Variants in COL15A1 observed in about 807,000 individuals in gnomAD.
COL15A1 encodes the protein collagen alpha-1(XV) chain.
Under a neutral mutation model 165.9 loss-of-function variants are expected in COL15A1, and 111 were observed. The ratio of observed to expected loss-of-function variants is 0.67; its 90% CI spans 0.57 to 0.78. The LOEUF (loss-of-function observed/expected upper bound fraction) is 0.78, where lower values mean the gene tolerates loss of function less well. COL15A1 is among the 30% of genes least tolerant of loss of function. The pLI is 0.00. For missense variants in COL15A1, 1,745 were observed against 1,789.7 expected, an observed-to-expected ratio of 0.98 and a Z score of 0.45; for synonymous variants, 659 against 674.8, an observed-to-expected ratio of 0.98 and a Z score of 0.36.
At chr9:98,953,654 A>G (rs763733492) in intron 2 of COL15A1, among the ~76,000 whole-genome samples, 2 of 152,224 alleles carry the variant, frequency 1.3e-5, no homozygotes, top group African/African-American at 4.8e-5. Flanking sequence ...GGGCCCTGGT[A>G]TCTCTCCCAA....
chr9:98,991,650 G>T (rs1230459636), intron 5 of COL15A1, among the ~76,000 whole-genome samples: 1 of 152,076 alleles, frequency 6.6e-6, no homozygotes, highest in Non-Finnish European at 1.5e-5. Flanking sequence ...TAGATACAGA[G>T]TGCCGATTGA....
chr9:98,968,326 G>A (rs1330638322), intron 2 of COL15A1, among the ~76,000 whole-genome samples: 4 of 152,246 alleles, frequency 2.6e-5, no homozygotes, highest in African/African-American at 7.2e-5. Flanking sequence ...GCTTAAAACA[G>A]TAGTAACTTA....
chr9:99,051,262 C>T (rs532581700), intron 30 of COL15A1, among the ~76,000 whole-genome samples: 2 of 152,146 alleles, frequency 1.3e-5, no homozygotes, highest in Non-Finnish European at 2.9e-5. Flanking sequence ...AATGCTACTG[C>T]AATTATCATG....
In COL15A1 at chr9:99,052,500, G is replaced by T. The variant is rs1268603949; in HGVS notation, c.2950+67G>T. The T allele has an allele frequency of 8.4e-6, 11 of 1,317,034 alleles. 1 individual carries two copies. In the South Asian group the frequency reaches 1.2e-4, roughly 14 times the overall value. 81.6% of individuals were successfully genotyped at this position (1,317,034 alleles called of 1,614,324 possible). A position where few individuals can be genotyped will look rare whatever the true frequency, so the allele number is the denominator to read the frequency against. On this transcript the variant is annotated intron_variant, in intron 31 of 41. Transcript: ENST00000375001. ...TCCTTGAGGAAGATGGTTTTCCTTTGCCCAGTGCAGGGCGCAGACTAGGTG... is the reference window on the plus strand; with the variant it reads ...TCCTTGAGGAAGATGGTTTTCCTTTTCCCAGTGCAGGGCGCAGACTAGGTG...
chr9:99,037,721 TTA>T lies in COL15A1; in HGVS notation c.2410-945_2410-944del, dbSNP rs143990496. On this transcript the variant is annotated intron_variant, in intron 21 of 41. Coordinates refer to ENST00000375001, the MANE Select transcript of COL15A1 (RefSeq NM_001855.5). ...AACAAGGGAGAAAAGACTGTTTGGG[TTA>T]TGAGGAATCAAGGAAGACTTCCTAG... Among the ~76,000 whole-genome samples, 62 of 152,058 alleles carry T rather than the reference TTA, an allele frequency of 4.1e-4. No homozygotes were observed. In the East Asian group the frequency reaches 0.011, roughly 27 times the overall value.
intron 2 of COL15A1, among the ~76,000 whole-genome samples, chr9:98,961,999 C>A (rs1837873824): frequency 6.6e-6 from 1 of 152,212 alleles, no homozygotes; most frequent in African/African-American, 2.4e-5. Context: ...GTGGTGGAGG[C>A]AAGTGAGGAA....
chr9:98,997,217 C>A (rs1838564213), intron 6 of COL15A1, 136 bp downstream of exon 6: 3 of 1,076,316 alleles, frequency 2.8e-6, no homozygotes, highest in East Asian at 2.5e-5. Context: ...TGAGAACCAC[C>A]CTCATTTTAC....
intron 9 of COL15A1, among the ~76,000 whole-genome samples, chr9:99,010,009 A>G (rs182506220): frequency 6.6e-6 from 1 of 152,324 alleles, no homozygotes; most frequent in Non-Finnish European, 1.5e-5. Context: ...TATCTCTCAA[A>G]ATCTGCCCTT....
At chr9:98,990,508 C>T (rs1838401199) in intron 5 of COL15A1, among the ~76,000 whole-genome samples, 1 of 152,228 alleles carries the variant, frequency 6.6e-6, no homozygotes, top group Admixed American at 6.5e-5. Flanking sequence ...CAGGCATGTC[C>T]CAACCTGGGG....
intron 41 of COL15A1, among the ~76,000 whole-genome samples, 170 bp from the exon 42 acceptor site, chr9:99,069,503 G>T (rs1297101515): frequency 6.6e-6 from 1 of 152,152 alleles, no homozygotes; most frequent in Non-Finnish European, 1.5e-5. Flanking sequence ...GGGTGTGGCT[G>T]CAATCTAGTG....
At chr9:98,989,377 C>A in intron 5 of COL15A1, 119 bp downstream of exon 5, 1 of 785,982 alleles carries the variant, frequency 1.3e-6, no homozygotes, top group Non-Finnish European at 2.0e-6. Flanking sequence ...TGAGCTTAAT[C>A]GTTGACTCAT....
At chr9:98,962,021 A>T (rs1041220184) in intron 2 of COL15A1, among the ~76,000 whole-genome samples, 1 of 152,174 alleles carries the variant, frequency 6.6e-6, no homozygotes, top group Non-Finnish European at 1.5e-5. Flanking sequence ...GTTTCTAACA[A>T]TTGCTGTCTG....
rs369234571 is a variant in COL15A1, at chr9:99,005,085, T to C, written c.1353+35T>C. 1.0e-4 allele frequency: 160 copies of C among 1,546,700 alleles called. No individual in the cohort carries two copies. The African/African-American group carries it at 2.0e-3, about 19-fold the overall frequency. Reference sequence around the variant, plus strand: ...GTACAGTGCCCAAAGGTTGAGGTCATGGTGGGAGCAGCTCCTGACCTTCTC... The same window carrying C: ...GTACAGTGCCCAAAGGTTGAGGTCACGGTGGGAGCAGCTCCTGACCTTCTC... On this transcript the variant is annotated intron_variant, in intron 9 of 41. Coordinates refer to ENST00000375001, the MANE Select transcript of COL15A1 (RefSeq NM_001855.5).
intron 2 of COL15A1, among the ~76,000 whole-genome samples, chr9:98,951,025 C>G (rs751905745): frequency 2.6e-5 from 4 of 152,176 alleles, no homozygotes; most frequent in African/African-American, 4.8e-5. Flanking sequence ...CGCAGAACTT[C>G]CCTCTAACCA....
chr9:98,968,631 AT>A (rs1346866027), intron 2 of COL15A1, among the ~76,000 whole-genome samples: 1 of 152,172 alleles, frequency 6.6e-6, no homozygotes, highest in Non-Finnish European at 1.5e-5. Context: ...CCTTAACTTA[AT>A]TACATCTCAA....
intron 23 of COL15A1, chr9:99,040,904 A>G (rs915756834): frequency 1.2e-4 from 28 of 241,976 alleles, no homozygotes; most frequent in African/African-American, 6.2e-4. Context: ...AAAAAACAAA[A>G]GAGAGAATGG....
At chr9:98,963,017 C>T (rs924820071) in intron 2 of COL15A1, among the ~76,000 whole-genome samples, 1 of 152,188 alleles carries the variant, frequency 6.6e-6, no homozygotes, top group Non-Finnish European at 1.5e-5. Flanking sequence ...GTTTACCTTT[C>T]CAGGAATAGC....
chr9:98,960,669 G>A (rs1837850971), intron 2 of COL15A1, among the ~76,000 whole-genome samples: 1 of 152,178 alleles, frequency 6.6e-6, no homozygotes, highest in African/African-American at 2.4e-5. Flanking sequence ...CTTGGACAAT[G>A]TACTAATCCT....
intron 14 of COL15A1, among the ~76,000 whole-genome samples, chr9:99,023,660 C>T (rs16918137): frequency 0.13 from 19,035 of 152,122 alleles, 1,442 homozygotes; most frequent in East Asian, 0.33. Context: ...TAAGTGAGTA[C>T]GAGCCTACAT....
Sources: gnomAD v4.1 joint callset for allele counts (sites outside exome capture counted in the v4.1 genomes callset) on GRCh38, gnomAD v4.1.1 for gene constraint, MANE v1.5 for transcripts, NCBI Gene and HGNC (gene_info 2026-07-23, HGNC 2026-07-21) for gene names.